ARHGAP22: variants seen among roughly 807,000 people sequenced by gnomAD.
ARHGAP22 encodes rho GTPase-activating protein 22.
A neutral mutation model predicts 59.1 loss-of-function variants in ARHGAP22; 48 were observed. The observed-to-expected ratio is 0.81, with a 90% CI of 0.64 to 1.03. The LOEUF (loss-of-function observed/expected upper bound fraction) is 1.03. ARHGAP22 is among the 50% of genes least tolerant of loss of function. The probability of loss-of-function intolerance (pLI) is 0.00; values close to 1 mark genes in which losing one functional copy is unlikely to be tolerated. For synonymous variants in ARHGAP22, 445 were observed against 416.4 expected (o/e 1.07, Z -0.84); for missense variants, 1,015 against 958.7 (o/e 1.06, Z -0.78).
chr10:48,435,261 G>A, the ARHGAP22 span: 1 of 410,490 alleles, frequency 2.4e-6, no homozygotes, highest in Non-Finnish European at 4.3e-6. Context: ...GTAATTAACT[G>A]TATAATGTAA....
At chr10:48,643,019 C>T (rs2062119712) in intron 1 of ARHGAP22, among the ~76,000 whole-genome samples, 2 of 152,126 alleles carry the variant, frequency 1.3e-5, no homozygotes, top group Admixed American at 1.3e-4. Context: ...CAGAGAAATG[C>T]AAATCAAAAC....
intron 3 of ARHGAP22, among the ~76,000 whole-genome samples, chr10:48,503,184 AAC>A (rs772163707): frequency 2.1e-4 from 32 of 152,178 alleles, no homozygotes; most frequent in Admixed American, 8.5e-4. Flanking sequence ...AATAAGTTAA[AAC>A]AGCAGCATGT....
chr10:48,467,852 G>A (rs1010017942), intron 4 of ARHGAP22, among the ~76,000 whole-genome samples: 2 of 152,078 alleles, frequency 1.3e-5, no homozygotes, highest in African/African-American at 2.4e-5. Context: ...AGGGATTTGC[G>A]GCCCTGGGGC....
rs912421540 is a variant in ARHGAP22, at chr10:48,507,676, G to C, written c.323-27912C>G. On this transcript the variant is annotated intron_variant, in intron 3 of 9. Transcript: ENST00000249601. ...GTGAGCAGTTTCATGTGTCCTCATG[G>C]GACAGTCTCCACCCATGTATCCATG... Among the ~76,000 whole-genome samples the C allele has an allele frequency of 5.3e-5, 8 of 152,196 alleles. No homozygotes were observed. The East Asian group carries it at 1.2e-3, about 22-fold the overall frequency.
At chr10:48,447,043 C>G (rs1227610841) in intron 9 of ARHGAP22, among the ~76,000 whole-genome samples, 1 of 152,184 alleles carries the variant, frequency 6.6e-6, no homozygotes, top group Non-Finnish European at 1.5e-5. Flanking sequence ...CCCACACTGT[C>G]CCCATGATCC....
intron 1 of ARHGAP22, among the ~76,000 whole-genome samples, chr10:48,649,392 A>C (rs2062456242): frequency 6.6e-6 from 1 of 152,212 alleles, no homozygotes; most frequent in African/African-American, 2.4e-5. Context: ...TCCCTACCCC[A>C]GGCTGCTCCC....
intron 1 of ARHGAP22, among the ~76,000 whole-genome samples, chr10:48,584,848 G>C (rs2059330126): frequency 6.6e-6 from 1 of 152,160 alleles, no homozygotes; most frequent in Admixed American, 6.5e-5. Flanking sequence ...CAAAAAATTA[G>C]CTGGGCATGG....
chr10:48,591,181 G>A (rs1317393378), intron 1 of ARHGAP22, among the ~76,000 whole-genome samples: 1 of 152,182 alleles, frequency 6.6e-6, no homozygotes, highest in South Asian at 2.1e-4. Context: ...GAGGGAGGGT[G>A]ACTGCGAGCC....
At chr10:48,460,308 G>C (rs1373009013) in intron 4 of ARHGAP22, among the ~76,000 whole-genome samples, 1 of 152,220 alleles carries the variant, frequency 6.6e-6, no homozygotes, top group Non-Finnish European at 1.5e-5. Context: ...ACACAGTGCA[G>C]CAATGAGAAT....
chr10:48,454,249 G>A (rs1198240655), intron 6 of ARHGAP22, 88 bp from the exon 7 acceptor site: 1 of 1,254,954 alleles, frequency 8.0e-7, no homozygotes, highest in Non-Finnish European at 1.2e-6. Context: ...AAAGAGAAGG[G>A]AGGTGGGGGC....
At position 48,633,521 on chromosome 10, in the gene ARHGAP22, T is replaced by C. The variant is rs527627243; in HGVS notation, c.52+18713A>G. On this transcript the variant is annotated intron_variant, in intron 1 of 9. Coordinates refer to the ARHGAP22 transcript ENST00000435790. Reference sequence around the variant, plus strand: ...TGAACTCTTTTCTTTTAATTAGACATGTAATCCTTATTACAGTCTTGTGAG... The same window carrying C: ...TGAACTCTTTTCTTTTAATTAGACACGTAATCCTTATTACAGTCTTGTGAG... Among the ~76,000 whole-genome samples the C allele has an allele frequency of 1.4e-3, 212 of 152,374 alleles. 1 individual carries two copies. The highest frequency in any genetic ancestry group is 5.0e-3 in the African/African-American group (208 of 41,592).
At chr10:48,477,238 C>A (rs2048841413) in intron 4 of ARHGAP22, among the ~76,000 whole-genome samples, 1 of 152,086 alleles carries the variant, frequency 6.6e-6, no homozygotes, top group African/African-American at 2.4e-5. Context: ...TTACTTCTGC[C>A]CTGTGTTTCA....
At chr10:48,558,791 G>A in intron 2 of ARHGAP22, among the ~76,000 whole-genome samples, 1 of 152,228 alleles carries the variant, frequency 6.6e-6, no homozygotes, top group East Asian at 1.9e-4. Context: ...TTCTGATGCT[G>A]AGAGCCCTGG....
intron 1 of ARHGAP22, among the ~76,000 whole-genome samples, chr10:48,615,766 T>C (rs1240848492): frequency 1.3e-5 from 2 of 152,140 alleles, no homozygotes; most frequent in Non-Finnish European, 2.9e-5. Context: ...GAATGATGTA[T>C]CATCAAGTAC....
At chr10:48,604,732 GC>G in intron 1 of ARHGAP22, 30 bp downstream of exon 1, 1 of 1,614,220 alleles carries the variant, frequency 6.2e-7, no homozygotes, top group Non-Finnish European at 8.5e-7. Context: ...CACATGCGGT[GC>G]CCAGAGAAAC....
intron 3 of ARHGAP22, among the ~76,000 whole-genome samples, chr10:48,543,898 G>A (rs994734487): frequency 3.3e-5 from 5 of 152,266 alleles, no homozygotes; most frequent in African/African-American, 7.2e-5. Context: ...AAGGTGGGCC[G>A]ATTGCCTGAG....
intron 3 of ARHGAP22, among the ~76,000 whole-genome samples, chr10:48,484,336 G>T (rs1448616500): frequency 6.6e-6 from 1 of 152,204 alleles, no homozygotes; most frequent in Non-Finnish European, 1.5e-5. Flanking sequence ...TTGCATTCCT[G>T]GGAGAAATCC....
chr10:48,619,881 C>T (rs543574248), intron 1 of ARHGAP22, among the ~76,000 whole-genome samples: 23 of 152,094 alleles, frequency 1.5e-4, no homozygotes, highest in African/African-American at 2.2e-4. Flanking sequence ...TTCTGCAAAG[C>T]GAAGGAAACA....
At chr10:48,546,941 C>A (rs2056490981) in intron 3 of ARHGAP22, among the ~76,000 whole-genome samples, 1 of 152,066 alleles carries the variant, frequency 6.6e-6, no homozygotes, top group African/African-American at 2.4e-5. Context: ...ATATTCTCAC[C>A]CCCAGTTTAT....
Sources: gnomAD v4.1 joint callset for allele counts (sites outside exome capture counted in the v4.1 genomes callset) on GRCh38, gnomAD v4.1.1 for gene constraint, MANE v1.5 for transcripts, NCBI Gene and HGNC (gene_info 2026-07-23, HGNC 2026-07-21) for gene names.